The following LRRFIP1 variants were observed in gnomAD, a reference collection of about 807,000 sequenced individuals.
The protein encoded by LRRFIP1 is leucine-rich repeat flightless-interacting protein 1.
A neutral mutation model predicts 104.4 loss-of-function variants in LRRFIP1; 62 were observed. That is an observed-to-expected ratio of 0.59 (90% confidence interval 0.48 to 0.73). The LOEUF (loss-of-function observed/expected upper bound fraction) is 0.73, where lower values mean the gene tolerates loss of function less well. Among genes scored for constraint, LRRFIP1 ranks in the 30% least tolerant of loss-of-function variants. LRRFIP1 has a pLI of 0.00. For missense variants in LRRFIP1, 796 were observed against 824.5 expected (o/e 0.97, Z 0.42); for synonymous variants, 300 against 299.0 (o/e 1.00, Z -0.03).
In LRRFIP1 at chr2:237,779,565, C is replaced by A; in HGVS notation, c.*33C>A. 1.3e-6 allele frequency: 2 copies of A among 1,547,614 alleles called. No homozygotes were observed. The highest frequency in any genetic ancestry group is 1.8e-6 in the Non-Finnish European group (2 of 1,121,004). On this transcript the variant is annotated 3_prime_UTR_variant, in exon 24 of 24. Coordinates refer to ENST00000308482, the MANE Select transcript of LRRFIP1 (RefSeq NM_001137550.2). ...CTCTGATCAGGCAACTGGTTGGTGACTGGAGAGCATTGTTTCATAGGCTTT... is the reference window on the plus strand; with the variant it reads ...CTCTGATCAGGCAACTGGTTGGTGAATGGAGAGCATTGTTTCATAGGCTTT...
intron 1 of LRRFIP1, among the ~76,000 whole-genome samples, chr2:237,705,001 T>G (rs2093732936): frequency 6.6e-6 from 1 of 152,092 alleles, no homozygotes. Context: ...GATGGGAACC[T>G]TTTCCTGGGT....
In LRRFIP1 at chr2:237,718,000, C is replaced by T. The variant is rs991068514; in HGVS notation, c.249+191C>T. Among the ~76,000 whole-genome samples, 2 of 152,244 alleles carry T rather than the reference C, an allele frequency of 1.3e-5. No individual in the cohort carries two copies. The highest frequency in any genetic ancestry group is 2.9e-5 in the Non-Finnish European group (2 of 68,046). The stretch of plus-strand genomic sequence containing the variant: ...TCTGGTCTCTGTTTACATCCCCAAA[C>T]GCAGCCTGCTTAGAAACAGTCCTGG... On this transcript the variant is annotated intron_variant, in intron 4 of 23. Transcript: ENST00000308482. The surrounding 1 kb of genome is among the most constrained non-coding windows in gnomAD (Gnocchi z 4.2).
At chr2:237,630,293 T>C (rs1353954713) in intron 1 of LRRFIP1, among the ~76,000 whole-genome samples, 1 of 152,220 alleles carries the variant, frequency 6.6e-6, no homozygotes, top group Non-Finnish European at 1.5e-5. Context: ...AGGGTTCTTA[T>C]AGAAATCAAC....
intron 1 of LRRFIP1, among the ~76,000 whole-genome samples, chr2:237,676,581 T>C (rs1371288103): frequency 6.6e-6 from 1 of 152,136 alleles, no homozygotes; most frequent in African/African-American, 2.4e-5. Context: ...TCTCGGCTCA[T>C]TGCAACCTCC....
intron 14 of LRRFIP1, among the ~76,000 whole-genome samples, chr2:237,752,360 C>G (rs1010273177): frequency 2.6e-5 from 4 of 152,192 alleles, no homozygotes; most frequent in Non-Finnish European, 5.9e-5. Flanking sequence ...GAGCCGAGAT[C>G]GTGCCACTGC....
chr2:237,648,318 GAC>G (rs1202114930), intron 1 of LRRFIP1, among the ~76,000 whole-genome samples: 1 of 151,688 alleles, frequency 6.6e-6, no homozygotes, highest in Non-Finnish European at 1.5e-5. Flanking sequence ...ATTCTCTCCT[GAC>G]ACCCTAATGC....
At position 237,758,776 on chromosome 2, in the gene LRRFIP1, G is replaced by A; in HGVS notation, c.1272G>A (p.Arg424=). Residue 424 remains arginine, a synonymous_variant, in exon 18 of 24, where the codon CGG becomes CGA. Transcript: ENST00000308482. The stretch of plus-strand genomic sequence containing the variant: ...TCTTTGATTCCGTAAGGAGTGAACG[G>A]GATGATCTTAGAGAAGAAGTAGTCA... The part of the protein sequence containing the change: ...KEFFDSVRSE[R]DDLREEVVML... 1 of 1,613,536 alleles carries A rather than the reference G, an allele frequency of 6.2e-7. No individual in the cohort carries two copies. The highest frequency in any genetic ancestry group is 8.5e-7 in the Non-Finnish European group (1 of 1,179,724).
chr2:237,717,749 C>T lies in LRRFIP1; in HGVS notation c.202-13C>T. The stretch of plus-strand genomic sequence containing the variant: ...TCACTTCTTGCCTAATTTTCTTTCC[C>T]TTCTGTCTATAGAAATATTATGGGC... On this transcript the variant is annotated splice_polypyrimidine_tract_variant and intron_variant, in intron 3 of 23. Coordinates refer to ENST00000308482, the MANE Select transcript of LRRFIP1 (RefSeq NM_001137550.2). This position sits in a 1 kb window ranked among gnomAD's most constrained non-coding sequence, Gnocchi z 4.2. 6.2e-7 allele frequency: 1 copy of T among 1,604,230 alleles called. No homozygotes were observed.
At chr2:237,658,034 G>A (rs572825774) in intron 1 of LRRFIP1, among the ~76,000 whole-genome samples, 1 of 152,292 alleles carries the variant, frequency 6.6e-6, no homozygotes, top group East Asian at 1.9e-4. Flanking sequence ...GACAAGCATG[G>A]AAATCCTAAA....
At chr2:237,692,659 G>A in intron 1 of LRRFIP1, 2 of 1,209,438 alleles carry the variant, frequency 1.7e-6, no homozygotes, top group Non-Finnish European at 2.2e-6. Context: ...CCAGCGCGGT[G>A]GGAGCGGGCG....
chr2:237,759,937 C>T, intron 18 of LRRFIP1, 127 bp from the exon 19 acceptor site: 1 of 779,468 alleles, frequency 1.3e-6, no homozygotes, highest in Non-Finnish European at 2.1e-6. Flanking sequence ...CCTAGCATTT[C>T]TCTTGTCTCT....
chr2:237,771,170 G>C (rs1483677246), intron 20 of LRRFIP1, among the ~76,000 whole-genome samples: 1 of 151,974 alleles, frequency 6.6e-6, no homozygotes, highest in African/African-American at 2.4e-5. Context: ...AAAGCCCCCG[G>C]AGACCCCACG....
At position 237,712,081 on chromosome 2, in the gene LRRFIP1, G is replaced by A. The variant is rs60189371; in HGVS notation, c.184-2178G>A. 7.2e-4 allele frequency among the ~76,000 whole-genome samples: 110 copies of A among 152,328 alleles called. 3 individuals carry two copies. In the East Asian group the frequency reaches 0.017, roughly 23 times the overall value. The stretch of plus-strand genomic sequence containing the variant: ...GCCTGGGGCGGGGGGACATCCCAGA[G>A]CTCCTGCCGTGTGGCAGAGCTGGGC... On this transcript the variant is annotated intron_variant, in intron 2 of 23. Transcript: ENST00000308482.
intron 23 of LRRFIP1, among the ~76,000 whole-genome samples, chr2:237,776,173 TG>T (rs1280014086): frequency 6.6e-6 from 1 of 152,096 alleles, no homozygotes; most frequent in Non-Finnish European, 1.5e-5. Flanking sequence ...TTGGCCAGGC[TG>T]GTCTTGAACT....
At chr2:237,640,381 A>C (rs73999196) in intron 1 of LRRFIP1, among the ~76,000 whole-genome samples, 3,155 of 152,066 alleles carry the variant, frequency 0.021, 44 homozygotes, top group African/African-American at 0.043. Context: ...TGGAGGCAGG[A>C]AGTCCAAGAT....
At chr2:237,749,399 A>G in intron 13 of LRRFIP1, 75 bp downstream of exon 13, 1 of 1,449,076 alleles carries the variant, frequency 6.9e-7, no homozygotes, top group Non-Finnish European at 9.4e-7. Context: ...AAAAAAAAAA[A>G]GTTAATTCAT....
intron 1 of LRRFIP1, among the ~76,000 whole-genome samples, chr2:237,633,702 G>T (rs760883979): frequency 1.3e-5 from 2 of 152,112 alleles, no homozygotes; most frequent in Admixed American, 6.6e-5. Flanking sequence ...AAAGAGTTCC[G>T]AGTCTCTCTG....
intron 2 of LRRFIP1, among the ~76,000 whole-genome samples, 160 bp from the exon 3 acceptor site, chr2:237,714,099 A>T (rs1173331248): frequency 6.6e-6 from 1 of 151,790 alleles, no homozygotes; most frequent in South Asian, 2.1e-4. Context: ...AAAATTACAA[A>T]CTCTTGTCAG....
chr2:237,758,256 G>A (rs557587627), intron 17 of LRRFIP1, among the ~76,000 whole-genome samples: 3 of 151,068 alleles, frequency 2.0e-5, no homozygotes, highest in South Asian at 2.1e-4. Context: ...CTGCATGCAC[G>A]CACACTTTAG....
Sources: allele counts gnomAD v4.1 joint callset (sites outside exome capture counted in the v4.1 genomes callset), GRCh38; gene constraint gnomAD v4.1.1; non-coding constraint Gnocchi (gnomAD v3.1); transcripts MANE v1.5; gene names NCBI Gene and HGNC (gene_info 2026-07-23, HGNC 2026-07-21).